The following STK35 variants were observed in gnomAD, a reference collection of about 807,000 sequenced individuals.
STK35 encodes serine/threonine kinase 35.
A neutral mutation model predicts 37.3 loss-of-function variants in STK35; 17 were observed. The observed-to-expected ratio is 0.46, with a 90% confidence interval of 0.31 to 0.68. The LOEUF (loss-of-function observed/expected upper bound fraction) is 0.68. Among genes scored for constraint, STK35 ranks in the 30% least tolerant of loss-of-function variants. The pLI, the probability that STK35 is intolerant of heterozygous loss-of-function variation, is 0.05. For missense variants in STK35, 595 were observed against 746.7 expected (o/e 0.80, Z 2.37); for synonymous variants, 385 against 319.1 (o/e 1.21, Z -2.20).
Position 2,117,315 on chromosome 20 carries a change from A to C in STK35, c.1542A>C (p.Pro514=). 1 of 1,614,206 alleles carries C rather than the reference A, an allele frequency of 6.2e-7. No homozygotes were observed. The highest frequency in any genetic ancestry group is 1.7e-5 in the Admixed American group (1 of 60,028). ...QLLKDMLAAN[P]QDRPDAFELE... ...TGAAAGATATGTTAGCTGCTAACCC[A>C]CAGGACCGGCCTGATGCCTTTGAAC... is the stretch of plus-strand genomic sequence containing the variant. The change falls in exon 3 of 4, where the codon CCA becomes CCC. Residue 514 remains proline, a synonymous_variant. Coordinates refer to ENST00000381482, the MANE Select transcript of STK35 (RefSeq NM_080836.4). This position sits in a 1 kb window ranked among gnomAD's most constrained non-coding sequence, Gnocchi z 4.4.
chr20:2,102,706 C>G (rs943401461), intron 1 of STK35, 62 bp from the exon 2 acceptor site: 2 of 1,298,454 alleles, frequency 1.5e-6, no homozygotes, highest in African/African-American at 3.1e-5. Flanking sequence ...GGACGCCCCG[C>G]GGCCTACGCT....
chr20:2,143,507 A>C (rs1372211032), intron 3 of STK35, among the ~76,000 whole-genome samples: 1 of 152,168 alleles, frequency 6.6e-6, no homozygotes, highest in Non-Finnish European at 1.5e-5. Context: ...GATTGGTTTG[A>C]CAGCTAGAGC....
chr20:2,141,370 T>C (rs746387389), intron 3 of STK35, among the ~76,000 whole-genome samples: 35 of 152,220 alleles, frequency 2.3e-4, no homozygotes, highest in Middle Eastern at 6.8e-3. Context: ...AAATCCTGTA[T>C]TTTCTTTCCA....
Position 2,146,599 on chromosome 20 carries a change from C to T in STK35, c.*2853C>T, listed in dbSNP as rs796293588. On this transcript the variant is annotated 3_prime_UTR_variant, in exon 4 of 4. Coordinates refer to ENST00000381482, the MANE Select transcript of STK35 (RefSeq NM_080836.4). ...ATTCCATTGTCCTCCCCTGGCCAGGCCTCCTGGCTCAGCTGGAAGTGCATG... is the reference window on the plus strand; with the variant it reads ...ATTCCATTGTCCTCCCCTGGCCAGGTCTCCTGGCTCAGCTGGAAGTGCATG... 8 of 152,894 alleles carry T rather than the reference C, an allele frequency of 5.2e-5. No homozygotes were observed. The highest frequency in any genetic ancestry group is 1.7e-4 in the African/African-American group (7 of 41,564). 9.5% of individuals were successfully genotyped at this position (152,894 alleles called of 1,614,324 possible).
chr20:2,102,779 A>G lies in STK35; in HGVS notation c.306A>G (p.Gln102=), dbSNP rs1485869374. 6.9e-7 allele frequency: 1 copy of G among 1,455,550 alleles called. No homozygotes were observed. Among genetic ancestry groups the G allele is most frequent in the Non-Finnish European group, 9.1e-7 (1 of 1,102,264 alleles). The allele number at this position is 1,455,550 out of a possible 1,614,324, so 90.2% of individuals were successfully genotyped here. A position where few individuals can be genotyped will look rare whatever the true frequency, so the allele number is the denominator to read the frequency against. The change falls in exon 2 of 4, where the codon CAA becomes CAG. Residue 102 remains glutamine, a synonymous_variant. Transcript: ENST00000381482. ...KWRCAGQVTI[Q]GPAPPRPRAG... ...TCTTTCGCCCGCAGGTCACAATCCA[A>G]GGTCCGGCTCCTCCGCGTCCCAGGG...
intron 2 of STK35, among the ~76,000 whole-genome samples, chr20:2,107,084 A>G (rs910860696): frequency 6.6e-6 from 1 of 152,230 alleles, no homozygotes; most frequent in African/African-American, 2.4e-5. Context: ...GAAGGCATCA[A>G]CAGTTTGCTT....
chr20:2,116,436 G>A (rs542941494), intron 2 of STK35, among the ~76,000 whole-genome samples: 1 of 152,252 alleles, frequency 6.6e-6, no homozygotes, highest in East Asian at 1.9e-4. Flanking sequence ...TCAACCAGAC[G>A]GCAGTAAACC....
chr20:2,108,727 C>T (rs920592771), intron 2 of STK35, among the ~76,000 whole-genome samples: 1 of 152,104 alleles, frequency 6.6e-6, no homozygotes, highest in South Asian at 2.1e-4. Context: ...TAGGTACCAG[C>T]CCCAGGAGAC....
intron 3 of STK35, among the ~76,000 whole-genome samples, chr20:2,124,431 T>G (rs1985869749): frequency 6.6e-6 from 1 of 152,144 alleles, no homozygotes; most frequent in African/African-American, 2.4e-5. Context: ...AGCCTTGAAT[T>G]TCCCAAAGGG....
At chr20:2,109,348 G>A (rs1397570599) in intron 2 of STK35, among the ~76,000 whole-genome samples, 1 of 152,226 alleles carries the variant, frequency 6.6e-6, no homozygotes, top group Admixed American at 6.5e-5. Flanking sequence ...CCATGGATTA[G>A]GGGTACCCCA....
In STK35 at chr20:2,145,683, C is replaced by A. The variant is rs892556182; in HGVS notation, c.*1937C>A. On this transcript the variant is annotated 3_prime_UTR_variant, in exon 4 of 4. Coordinates refer to ENST00000381482, the MANE Select transcript of STK35 (RefSeq NM_080836.4). ...CTCCTGTCTCTGACTTCTCAGGCAGCCTCCTGAGTGCACTGAGTTGTATCC... is the reference window on the plus strand; with the variant it reads ...CTCCTGTCTCTGACTTCTCAGGCAGACTCCTGAGTGCACTGAGTTGTATCC... The A allele has an allele frequency of 6.6e-6, 1 of 152,188 alleles. No individual in the cohort carries two copies. Among genetic ancestry groups the A allele is most frequent in the Non-Finnish European group, 1.5e-5 (1 of 68,056 alleles). The allele number at this position is 152,188 out of a possible 1,614,324, so 9.4% of individuals were successfully genotyped here. A position where few individuals can be genotyped will look rare whatever the true frequency, so the allele number is the denominator to read the frequency against.
intron 2 of STK35, among the ~76,000 whole-genome samples, chr20:2,104,158 G>A: frequency 6.6e-6 from 1 of 152,142 alleles, no homozygotes. Flanking sequence ...TTAGTTTCCG[G>A]GTTTTAACTG....
At chr20:2,122,442 AG>A (rs1019519796) in intron 3 of STK35, among the ~76,000 whole-genome samples, 42 of 152,334 alleles carry the variant, frequency 2.8e-4, no homozygotes, top group Middle Eastern at 6.8e-3. Flanking sequence ...GTCGCATTTA[AG>A]TCAGGACTAA....
At chr20:2,131,246 A>G (rs902954711) in intron 3 of STK35, among the ~76,000 whole-genome samples, 2 of 152,210 alleles carry the variant, frequency 1.3e-5, no homozygotes, top group Non-Finnish European at 2.9e-5. Flanking sequence ...TACTATAGGC[A>G]GTTGTAACAC....
intron 2 of STK35, among the ~76,000 whole-genome samples, chr20:2,115,736 C>T (rs928731652): frequency 1.3e-5 from 2 of 152,182 alleles, no homozygotes; most frequent in Non-Finnish European, 2.9e-5. Context: ...ACCAGACTTC[C>T]AATTTACACC....
At chr20:2,138,461 G>A (rs1474606004) in intron 3 of STK35, among the ~76,000 whole-genome samples, 1 of 152,206 alleles carries the variant, frequency 6.6e-6, no homozygotes, top group Non-Finnish European at 1.5e-5. Flanking sequence ...AGAGGAAAGA[G>A]TTCCATGCCC....
chr20:2,133,083 A>G (rs1241493947), intron 3 of STK35, among the ~76,000 whole-genome samples: 3 of 152,114 alleles, frequency 2.0e-5, no homozygotes, highest in Non-Finnish European at 4.4e-5. Flanking sequence ...GAGATCTCCA[A>G]ACCCCTTAGC....
chr20:2,127,982 T>G (rs1985935145), intron 3 of STK35, among the ~76,000 whole-genome samples: 1 of 152,180 alleles, frequency 6.6e-6, no homozygotes, highest in African/African-American at 2.4e-5. Context: ...CCTTGTGTCC[T>G]CTCTGCTCCT....
chr20:2,126,855 G>A (rs917229344), intron 3 of STK35, among the ~76,000 whole-genome samples: 2 of 152,152 alleles, frequency 1.3e-5, no homozygotes, highest in African/African-American at 2.4e-5. Flanking sequence ...AGTTTGCATC[G>A]TACACAGGTC....
Sources: gnomAD v4.1 joint callset for allele counts (sites outside exome capture counted in the v4.1 genomes callset) on GRCh38, gnomAD v4.1.1 for gene constraint, Gnocchi (gnomAD v3.1) non-coding constraint, MANE v1.5 for transcripts, NCBI Gene and HGNC (gene_info 2026-07-23, HGNC 2026-07-21) for gene names.